Variants in DSCAM observed in about 807,000 individuals in gnomAD.
The protein encoded by DSCAM is cell adhesion molecule DSCAM.
In DSCAM, 47 loss-of-function variants were observed where a neutral mutation model predicts 217.7. The ratio of observed to expected loss-of-function variants is 0.22; its 90% confidence interval spans 0.17 to 0.28. The LOEUF (loss-of-function observed/expected upper bound fraction) is 0.28. Among genes scored for constraint, DSCAM ranks in the 10% least tolerant of loss-of-function variants. The pLI is 1.00. For synonymous variants in DSCAM, 1,056 were observed against 1,015.3 expected, an observed-to-expected ratio of 1.04 and a Z score of -0.76; for missense variants, 2,080 against 2,618.3, an observed-to-expected ratio of 0.79 and a Z score of 4.49.
chr21:40,057,871 G>GTTTTTTT, intron 28 of DSCAM, among the ~76,000 whole-genome samples: 1 of 102,144 alleles, frequency 9.8e-6, no homozygotes, highest in African/African-American at 4.2e-5. Context: ...GTTCACTGCA[G>GTTTTTTT]TCTTTTTTTT....
rs200493664 is a variant in DSCAM, at chr21:40,360,153, A to AC, written c.656-6411dup. On this transcript the variant is annotated intron_variant, in intron 4 of 32. Transcript: ENST00000400454. ...TTTTTTTTTTTTTTTTTTTTTTGAG[A>AC]CAGAGTCTCGCTCAGTTGCCCACGC... is the stretch of plus-strand genomic sequence containing the variant. Among the ~76,000 whole-genome samples, 553 of 109,460 alleles carry AC rather than the reference A, an allele frequency of 5.1e-3. 5 individuals carry two copies. The highest frequency in any genetic ancestry group is 0.015 in the Admixed American group (128 of 8,804). The allele number at this position is 109,460 out of a possible 152,430, so 71.8% of individuals were successfully genotyped here.
chr21:40,460,451 C>T (rs1296464210), intron 3 of DSCAM, among the ~76,000 whole-genome samples: 2 of 151,930 alleles, frequency 1.3e-5, no homozygotes, highest in Non-Finnish European at 2.9e-5. Flanking sequence ...GAGTATGATA[C>T]AAAATTATGA....
At chr21:40,026,450 CT>C (rs1305210486) in intron 32 of DSCAM, among the ~76,000 whole-genome samples, 1 of 140,894 alleles carries the variant, frequency 7.1e-6, no homozygotes, top group Non-Finnish European at 1.5e-5. Context: ...TCTCGTTGAT[CT>C]GTCTAATGTT....
At chr21:40,194,656 C>A (rs539536171) in intron 11 of DSCAM, among the ~76,000 whole-genome samples, 18 of 152,308 alleles carry the variant, frequency 1.2e-4, no homozygotes, top group African/African-American at 3.8e-4. Flanking sequence ...TATTATCTAA[C>A]AGCATCCTTA....
intron 3 of DSCAM, among the ~76,000 whole-genome samples, chr21:40,490,286 A>G (rs954214268): frequency 1.2e-4 from 18 of 152,192 alleles, no homozygotes; most frequent in African/African-American, 4.3e-4. Flanking sequence ...GAACCAAACC[A>G]TATCAGTAGG....
intron 3 of DSCAM, among the ~76,000 whole-genome samples, chr21:40,600,188 C>T (rs770716300): frequency 6.6e-6 from 1 of 152,188 alleles, no homozygotes; most frequent in Non-Finnish European, 1.5e-5. Flanking sequence ...GGAAGTCAAA[C>T]TATCTTAGCT....
In DSCAM at chr21:40,350,232, G is replaced by C. The variant is rs796986791; in HGVS notation, c.935-2287C>G. The stretch of plus-strand genomic sequence containing the variant: ...CATTCAGGACATATGCATGGACAAA[G>C]ACTTCATGACTAAAACACCAAAAGC... On this transcript the variant is annotated intron_variant, in intron 5 of 32. Coordinates refer to ENST00000400454, the MANE Select transcript of DSCAM (RefSeq NM_001389.5). Among the ~76,000 whole-genome samples the C allele has an allele frequency of 5.9e-5, 9 of 152,260 alleles. No individual in the cohort carries two copies. The South Asian group carries it at 1.9e-3, about 32-fold the overall frequency.
rs2837585 is a variant in DSCAM at position 40,369,089 on chromosome 21, A to G, written c.655+10T>C. The stretch of plus-strand genomic sequence containing the variant: ...CAGACATAGCAGACAGAGTCTTGAT[A>G]AGTTTTTACCTGATACAAAAAGTCT... On this transcript the variant is annotated intron_variant, in intron 4 of 32. Transcript: ENST00000400454. 52,413 of 1,597,438 alleles carry G rather than the reference A, an allele frequency of 0.033. 1,869 individuals carry two copies. Among genetic ancestry groups the G allele is most frequent in the African/African-American group, 0.18 (13,352 of 74,424 alleles).
At chr21:40,826,978 G>A (rs2123621754) in intron 1 of DSCAM, among the ~76,000 whole-genome samples, 1 of 152,068 alleles carries the variant, frequency 6.6e-6, no homozygotes. Flanking sequence ...AGAGGAATTA[G>A]AGAGAGGAAG....
chr21:40,486,205 A>C (rs1442151873), intron 3 of DSCAM, among the ~76,000 whole-genome samples: 1 of 152,230 alleles, frequency 6.6e-6, no homozygotes, highest in East Asian at 1.9e-4. Context: ...AACAAAGCAC[A>C]TGAAATGCAT....
At chr21:40,495,281 T>C (rs867930118) in intron 3 of DSCAM, among the ~76,000 whole-genome samples, 2 of 151,974 alleles carry the variant, frequency 1.3e-5, no homozygotes, top group Non-Finnish European at 2.9e-5. Context: ...TCTAAGAAAA[T>C]TGCAGGCCCG....
intron 3 of DSCAM, among the ~76,000 whole-genome samples, chr21:40,441,678 G>C (rs2075631567): frequency 6.6e-6 from 1 of 152,060 alleles, no homozygotes; most frequent in South Asian, 2.1e-4. Context: ...TCAAACTTTA[G>C]GATAAAATTT....
chr21:40,221,736 T>TGTG (rs2091290865), intron 11 of DSCAM, among the ~76,000 whole-genome samples: 2 of 152,196 alleles, frequency 1.3e-5, no homozygotes, highest in African/African-American at 4.8e-5. Flanking sequence ...TCACGGCCGT[T>TGTG]GTGGTCTTCA....
rs12482084 is a variant in DSCAM, at chr21:40,360,123, C to G, written c.656-6380G>C. 6.1e-5 allele frequency among the ~76,000 whole-genome samples: 4 copies of G among 65,478 alleles called. 1 individual carries two copies. The highest frequency in any genetic ancestry group is 8.3e-3 in the Middle Eastern group (1 of 120). The allele number at this position is 65,478 out of a possible 152,430, so 43.0% of individuals were successfully genotyped here. On this transcript the variant is annotated intron_variant, in intron 4 of 32. Coordinates refer to ENST00000400454, the MANE Select transcript of DSCAM (RefSeq NM_001389.5). ...GTGAGCATGGTACTTCATAGGTAGTCTTTTTTTTTTTTTTTTTTTTTTTTT... is the reference window on the plus strand; with the variant it reads ...GTGAGCATGGTACTTCATAGGTAGTGTTTTTTTTTTTTTTTTTTTTTTTTT...
In DSCAM at chr21:40,640,442, G is replaced by A. The variant is rs1318947717; in HGVS notation, c.508+52368C>T. Among the ~76,000 whole-genome samples, 6 of 152,192 alleles carry A rather than the reference G, an allele frequency of 3.9e-5. No homozygotes were observed. The East Asian group carries it at 5.8e-4, about 15-fold the overall frequency. On this transcript the variant is annotated intron_variant, in intron 3 of 32. Transcript: ENST00000400454. ...CCCTGATCCGCAGCTTCCTGTAAAC[G>A]AGGGGAAGAGACGGAGGATGCAGCC...
intron 1 of DSCAM, among the ~76,000 whole-genome samples, chr21:40,843,557 G>T (rs1424936421): frequency 6.6e-6 from 1 of 152,138 alleles, no homozygotes; most frequent in African/African-American, 2.4e-5. Flanking sequence ...AGGAGAAATG[G>T]TAATGAAACA....
chr21:40,457,918 T>C (rs188076210), intron 3 of DSCAM, among the ~76,000 whole-genome samples: 47 of 152,322 alleles, frequency 3.1e-4, no homozygotes, highest in Middle Eastern at 3.4e-3. Flanking sequence ...AAAGCATTCC[T>C]GTGACAAAGC....
chr21:40,819,963 A>G (rs1326910738), intron 1 of DSCAM, among the ~76,000 whole-genome samples: 1 of 152,154 alleles, frequency 6.6e-6, no homozygotes, highest in South Asian at 2.1e-4. Context: ...GGAATGGGAT[A>G]AGGCAGGAAG....
chr21:40,014,347 G>A (rs1380672062), intron 32 of DSCAM, among the ~76,000 whole-genome samples: 1 of 152,132 alleles, frequency 6.6e-6, no homozygotes, highest in Non-Finnish European at 1.5e-5. Flanking sequence ...CTGAGATTAT[G>A]CCACTGCACT....
Sources: allele counts gnomAD v4.1 joint callset (sites outside exome capture counted in the v4.1 genomes callset), GRCh38; gene constraint gnomAD v4.1.1; transcripts MANE v1.5; gene names NCBI Gene and HGNC (gene_info 2026-07-23, HGNC 2026-07-21).